The following AHNAK variants were observed in gnomAD, a reference collection of about 807,000 sequenced individuals.
AHNAK encodes the protein neuroblast differentiation-associated protein AHNAK.
A neutral mutation model predicts 37.8 loss-of-function variants in AHNAK; 23 were observed. That is an observed-to-expected ratio of 0.61 (90% CI 0.44 to 0.86). The LOEUF (loss-of-function observed/expected upper bound fraction) is 0.86. AHNAK is among the 40% of genes least tolerant of loss of function. The pLI is 0.00. For missense variants in AHNAK, 7,411 were observed against 7,319.4 expected, an observed-to-expected ratio of 1.01 and a Z score of -0.46; for synonymous variants, 2,481 against 2,636.3, an observed-to-expected ratio of 0.94 and a Z score of 1.80.
rs1224686227 is a variant in AHNAK at position 62,461,105 on chromosome 11, G to A, written c.443-27214C>T. Among the ~76,000 whole-genome samples the A allele has an allele frequency of 2.0e-5, 3 of 147,896 alleles. No homozygotes were observed. In the East Asian group the frequency reaches 6.0e-4, roughly 30 times the overall value. ...CCGCCTCGGCCTCCCAAAGTGTTGG[G>A]ATTACAGGCGTGGGCCACCACGCCC... On this transcript the variant is annotated intron_variant, in intron 5 of 5. Coordinates refer to the AHNAK transcript ENST00000257247.
At chr11:62,546,483 G>A (rs1941315119) in intron 1 of AHNAK, among the ~76,000 whole-genome samples, 177 bp downstream of exon 1, 1 of 152,202 alleles carries the variant, frequency 6.6e-6, no homozygotes, top group South Asian at 2.1e-4. Context: ...GCAGAACTCC[G>A]CTCCCAGAGA....
intron 1 of AHNAK, among the ~76,000 whole-genome samples, chr11:62,545,327 T>A (rs531970178): frequency 1.1e-4 from 17 of 152,302 alleles, no homozygotes; most frequent in Middle Eastern, 3.4e-3. Context: ...CGGCTACAGC[T>A]GAGAACACCC....
chr11:62,500,730 T>G (rs1714976594), intron 4 of AHNAK, among the ~76,000 whole-genome samples: 1 of 152,226 alleles, frequency 6.6e-6, no homozygotes, highest in Non-Finnish European at 1.5e-5. Context: ...CTCACCACTT[T>G]ACATAGTAAA....
At chr11:62,491,645 G>A in intron 5 of AHNAK, 1 of 1,323,416 alleles carries the variant, frequency 7.6e-7, no homozygotes, top group Non-Finnish European at 1.1e-6. Context: ...GGCTTCCACA[G>A]CCCAGGCAGG....
chr11:62,525,573 C>G lies in AHNAK; in HGVS notation c.8844G>C (p.Gly2948=). Residue 2948 remains glycine (G), a synonymous_variant, in exon 5 of 5, where the codon GGG becomes GGC. Transcript: ENST00000378024. ...NIEGPEGKLK[G]PKFKMPEMNI... ...TCATCTCTGGCATCTTGAACTTGGG[C>G]CCTTTCAACTTTCCCTCTGGTCCTT... is the stretch of plus-strand genomic sequence containing the variant. 1 of 1,612,640 alleles carries G rather than the reference C, an allele frequency of 6.2e-7. No individual in the cohort carries two copies. The highest frequency in any genetic ancestry group is 2.2e-5 in the East Asian group (1 of 44,748).
chr11:62,478,750 C>CAAAAAA (rs11358273), intron 5 of AHNAK, among the ~76,000 whole-genome samples: 1 of 88,462 alleles, frequency 1.1e-5, no homozygotes, highest in African/African-American at 4.1e-5. Context: ...GACCCTGCCT[C>CAAAAAA]AAAAAAAAAA....
chr11:62,483,292 G>A (rs1220487751), intron 5 of AHNAK, among the ~76,000 whole-genome samples: 1 of 152,208 alleles, frequency 6.6e-6, no homozygotes, highest in Admixed American at 6.5e-5. Flanking sequence ...GGAGTCGGGG[G>A]CCACTCAGCC....
In AHNAK at chr11:62,535,105, G is replaced by A. The variant is rs776954100; in HGVS notation, c.240C>T (p.His80=). The A allele has an allele frequency of 6.8e-6, 11 of 1,613,974 alleles. No individual in the cohort carries two copies. In the South Asian group the frequency reaches 1.1e-4, roughly 16 times the overall value. ...TGCGGTGCAGCTTCAGGCCCACCGT[G>A]TGGTGCCCCATGGTGTTCAGCAGCT... is the stretch of plus-strand genomic sequence containing the variant. ...VTQLLNTMGH[H]TVGLKLHRKG... is the part of the protein sequence containing the mutation. Residue 80 remains histidine, a synonymous_variant, in exon 4 of 5, where the codon CAC becomes CAT. Coordinates refer to ENST00000378024, the MANE Select transcript of AHNAK (RefSeq NM_001620.3).
At chr11:62,481,759 A>T (rs1939281568) in intron 5 of AHNAK, among the ~76,000 whole-genome samples, 2 of 151,216 alleles carry the variant, frequency 1.3e-5, no homozygotes, top group African/African-American at 2.4e-5. Flanking sequence ...TTGTATTTTT[A>T]GTAGAGACGG....
Position 62,533,642 on chromosome 11 carries a change from T to C in AHNAK, c.775A>G (p.Asn259Asp). 6.2e-7 allele frequency: 1 copy of C among 1,614,108 alleles called. No individual in the cohort carries two copies. The highest frequency in any genetic ancestry group is 8.5e-7 in the Non-Finnish European group (1 of 1,180,016). Residue 259 changes from asparagine to aspartate, a missense_variant, in exon 5 of 5, where the codon AAT becomes GAT. Coordinates refer to ENST00000378024, the MANE Select transcript of AHNAK (RefSeq NM_001620.3). ...PGIKVGGSGV[N>D]VNAKGLDLGG... ...AAGTCCAAGCCCTTTGCATTGACATTGACACCTGAGCCTCCCACCTTTATC... is the reference window on the plus strand; with the variant it reads ...AAGTCCAAGCCCTTTGCATTGACATCGACACCTGAGCCTCCCACCTTTATC...
chr11:62,443,513 C>T (rs1202440788), intron 5 of AHNAK, among the ~76,000 whole-genome samples: 1 of 152,090 alleles, frequency 6.6e-6, no homozygotes, highest in Non-Finnish European at 1.5e-5. Flanking sequence ...CTCAGGTGAT[C>T]TGCCTGCCTC....
rs938257940 is a variant in AHNAK at position 62,536,179 on chromosome 11, C to T, written c.1-81G>A. 138 of 1,439,040 alleles carry T rather than the reference C, an allele frequency of 9.6e-5. 1 individual carries two copies. Among genetic ancestry groups the T allele is most frequent in the Middle Eastern group, 1.8e-4 (1 of 5,442 alleles). The allele number at this position is 1,439,040 out of a possible 1,614,324, so 89.1% of individuals were successfully genotyped here. On this transcript the variant is annotated intron_variant, in intron 2 of 4. Coordinates refer to ENST00000378024, the MANE Select transcript of AHNAK (RefSeq NM_001620.3). ...GCATGGGAAAGCTAGCAATCTCTGGCGCTGTGAACTCCAGGGAGTGGGGCC... is the reference window on the plus strand; with the variant it reads ...GCATGGGAAAGCTAGCAATCTCTGGTGCTGTGAACTCCAGGGAGTGGGGCC...
chr11:62,457,362 C>T (rs1002183785), intron 5 of AHNAK, among the ~76,000 whole-genome samples: 8 of 151,506 alleles, frequency 5.3e-5, no homozygotes, highest in African/African-American at 1.2e-4. Flanking sequence ...GCAGGAGAAT[C>T]GCTTGAACCC....
intron 5 of AHNAK, among the ~76,000 whole-genome samples, chr11:62,477,471 AC>A (rs1258272205): frequency 1.3e-5 from 2 of 152,142 alleles, no homozygotes; most frequent in Non-Finnish European, 2.9e-5. Flanking sequence ...TCATGAGTGT[AC>A]CTATGTAGCA....
rs1555029486 is a variant in AHNAK, at chr11:62,516,822, A to C, written c.17595T>G (p.Ser5865=). 1 of 1,614,150 alleles carries C rather than the reference A, an allele frequency of 6.2e-7. No homozygotes were observed. Among genetic ancestry groups the C allele is most frequent in the South Asian group, 1.1e-5 (1 of 91,074 alleles). Residue 5865 remains serine, a synonymous_variant, in exon 5 of 5, where the codon TCT becomes TCG. Transcript: ENST00000378024. ...LASKKSRLSS[S]SSNDSGNKVG... is the part of the protein sequence containing the mutation. ...CCTTATTCCCACTGTCATTGCTAGA[A>C]GAGGAGGACAGTCGGGACTTCTTAG...
intron 5 of AHNAK, among the ~76,000 whole-genome samples, chr11:62,455,393 T>C (rs903393054): frequency 2.0e-5 from 3 of 151,628 alleles, no homozygotes; most frequent in Non-Finnish European, 2.9e-5. Context: ...TTTCATTTTA[T>C]TCCTCCCAAG....
At position 62,532,881 on chromosome 11, in the gene AHNAK, A is replaced by G. The variant is rs764349452; in HGVS notation, c.1536T>C (p.Pro512=). ...MQDVDLSLGS[P]KLKGDIKVSA... ...AAACCTTAATATCTCCTTTCAGTTT[A>G]GGAGACCCAAGGCTCAGATCCACAT... Residue 512 remains proline (P), a synonymous_variant, in exon 5 of 5, where the codon CCT becomes CCC. Transcript: ENST00000378024. 3 of 1,614,112 alleles carry G rather than the reference A, an allele frequency of 1.9e-6. No individual in the cohort carries two copies. Among genetic ancestry groups the G allele is most frequent in the South Asian group, 1.1e-5 (1 of 91,072 alleles).
intron 5 of AHNAK, among the ~76,000 whole-genome samples, chr11:62,465,437 A>G (rs545642674): frequency 1.3e-5 from 2 of 151,980 alleles, no homozygotes; most frequent in South Asian, 4.2e-4. Flanking sequence ...ACATGGTGAA[A>G]CCCCGTCTCT....
intron 4 of AHNAK, among the ~76,000 whole-genome samples, chr11:62,506,094 A>T (rs1032920077): frequency 1.3e-5 from 2 of 149,698 alleles, no homozygotes; most frequent in Non-Finnish European, 3.0e-5. Flanking sequence ...CGGTAGTTCC[A>T]GCTACTCGGT....
Sources: gnomAD v4.1 joint callset for allele counts (sites outside exome capture counted in the v4.1 genomes callset) on GRCh38, gnomAD v4.1.1 for gene constraint, MANE v1.5 for transcripts, NCBI Gene and HGNC (gene_info 2026-07-23, HGNC 2026-07-21) for gene names.